Variants in CDHR3 observed in about 807,000 individuals in gnomAD.
The protein encoded by CDHR3 is cadherin-related family member 3.
A neutral mutation model predicts 86.6 loss-of-function variants in CDHR3; 79 were observed. The observed-to-expected ratio is 0.91, with a 90% CI of 0.76 to 1.10. CDHR3 has a LOEUF of 1.10. CDHR3 is among the 50% of genes least tolerant of loss of function. CDHR3 has a pLI of 0.00. For missense variants in CDHR3, 1,081 were observed against 1,077.6 expected (o/e 1.00, Z -0.04); for synonymous variants, 421 against 402.4 (o/e 1.05, Z -0.55).
chr7:106,001,424 C>A lies in CDHR3; in HGVS notation c.714-38C>A, dbSNP rs147914692. The A allele has an allele frequency of 4.4e-4, 702 of 1,609,034 alleles. 4 individuals carry two copies. In the African/African-American group the frequency reaches 8.4e-3, roughly 19 times the overall value. On this transcript the variant is annotated intron_variant, in intron 6 of 18. Coordinates refer to ENST00000317716, the MANE Select transcript of CDHR3 (RefSeq NM_152750.5). ...CGCCTAGATGCTACCTTCCCGTGCC[C>A]CTGGAAATTAGCTGTGTCTGCTGTA... is the stretch of plus-strand genomic sequence containing the variant.
At position 106,011,286 on chromosome 7, in the gene CDHR3, A is replaced by T. The variant is rs147462190; in HGVS notation, c.1053-1574A>T. 9.2e-5 allele frequency among the ~76,000 whole-genome samples: 14 copies of T among 152,286 alleles called. No individual in the cohort carries two copies. The East Asian group carries it at 2.7e-3, about 29-fold the overall frequency. ...ATGGGTCTCCTTGAATCTGAGCTTG[A>T]CCACGTGAATTGCTTTGACCACTGG... On this transcript the variant is annotated intron_variant, in intron 8 of 18. Coordinates refer to ENST00000317716, the MANE Select transcript of CDHR3 (RefSeq NM_152750.5).
chr7:106,023,160 A>G (rs1042990129), intron 14 of CDHR3, among the ~76,000 whole-genome samples: 3 of 152,186 alleles, frequency 2.0e-5, no homozygotes, highest in African/African-American at 7.2e-5. Flanking sequence ...AGGTTACCCA[A>G]CCATGATCAT....
chr7:105,995,407 C>G (rs1257902033), intron 5 of CDHR3, among the ~76,000 whole-genome samples: 1 of 151,652 alleles, frequency 6.6e-6, no homozygotes, highest in African/African-American at 2.4e-5. Flanking sequence ...ATAAACCAGA[C>G]CAAGGACGGT....
At chr7:105,968,371 T>A (rs1827317799) in intron 1 of CDHR3, among the ~76,000 whole-genome samples, 1 of 152,176 alleles carries the variant, frequency 6.6e-6, no homozygotes, top group Non-Finnish European at 1.5e-5. Context: ...TTTTATTTTT[T>A]ATTTTTTTGA....
At chr7:105,979,822 G>A (rs1829370177) in intron 2 of CDHR3, among the ~76,000 whole-genome samples, 1 of 152,202 alleles carries the variant, frequency 6.6e-6, no homozygotes, top group Non-Finnish European at 1.5e-5. Context: ...GACATACATG[G>A]AATTTAGTCC....
chr7:105,964,491 C>T (rs183081702), intron 1 of CDHR3, among the ~76,000 whole-genome samples: 110 of 152,002 alleles, frequency 7.2e-4, no homozygotes, highest in Non-Finnish European at 9.7e-4. Flanking sequence ...ACATTCTGAC[C>T]ATTATTAAAT....
Position 106,022,252 on chromosome 7 carries a change from G to C in CDHR3, c.1880G>C (p.Arg627Pro). 1 of 1,613,970 alleles carries C rather than the reference G, an allele frequency of 6.2e-7. No individual in the cohort carries two copies. Among genetic ancestry groups the C allele is most frequent in the Non-Finnish European group, 8.5e-7 (1 of 1,179,880 alleles). Reference protein sequence around the residue: ...FSPNAGSNVTRLLLTSRFDYA... With the variant: ...FSPNAGSNVTPLLLTSRFDYA... ...CCCAATGCTGGTTCCAATGTCACACGCCTGCTGCTTACATCTCGCTTTGAC... is the reference window on the plus strand; with the variant it reads ...CCCAATGCTGGTTCCAATGTCACACCCCTGCTGCTTACATCTCGCTTTGAC... The change falls in exon 14 of 19, where the codon CGC becomes CCC. Residue 627 changes from arginine (R) to proline (P), a missense_variant. Arg to Pro is a moderately radical substitution (Grantham distance 103). Transcript: ENST00000317716.
intron 4 of CDHR3, among the ~76,000 whole-genome samples, chr7:105,988,656 T>G (rs759172808): frequency 2.6e-5 from 4 of 152,186 alleles, no homozygotes; most frequent in Non-Finnish European, 5.9e-5. Context: ...CTCCCTTCTT[T>G]TTAGTGAAAC....
At chr7:106,014,547 C>T (rs544513451) in intron 9 of CDHR3, among the ~76,000 whole-genome samples, 4 of 152,272 alleles carry the variant, frequency 2.6e-5, no homozygotes, top group East Asian at 3.9e-4. Flanking sequence ...TTTGAGGCCA[C>T]GAGTTTGAGG....
At chr7:106,018,466 C>T (rs1378724127) in intron 12 of CDHR3, among the ~76,000 whole-genome samples, 2 of 152,100 alleles carry the variant, frequency 1.3e-5, no homozygotes, top group Non-Finnish European at 2.9e-5. Flanking sequence ...GAACTCCTGA[C>T]CTCAAGTAAT....
chr7:105,964,981 G>A (rs1307694297), intron 1 of CDHR3, among the ~76,000 whole-genome samples: 1 of 152,186 alleles, frequency 6.6e-6, no homozygotes, highest in Admixed American at 6.5e-5. Context: ...TTGTCACTGG[G>A]GAAAGAGTGA....
At chr7:106,004,324 C>A (rs1209428236) in intron 7 of CDHR3, among the ~76,000 whole-genome samples, 174 bp from the exon 8 acceptor site, 1 of 152,236 alleles carries the variant, frequency 6.6e-6, no homozygotes, top group Non-Finnish European at 1.5e-5. Flanking sequence ...CCAGATACCC[C>A]AATGAATGTC....
intron 13 of CDHR3, 28 bp downstream of exon 13, chr7:106,020,572 G>A: frequency 6.3e-7 from 1 of 1,596,438 alleles, no homozygotes; most frequent in Non-Finnish European, 8.6e-7. Flanking sequence ...GACAATCCTG[G>A]CCCTGTCTCT....
chr7:106,029,813 A>G (rs1838060064), intron 17 of CDHR3, among the ~76,000 whole-genome samples: 1 of 152,226 alleles, frequency 6.6e-6, no homozygotes, highest in African/African-American at 2.4e-5. Flanking sequence ...ACAAACAGGA[A>G]AAGAGGCAGT....
chr7:106,011,869 C>A (rs968318958), intron 8 of CDHR3, among the ~76,000 whole-genome samples: 3 of 152,088 alleles, frequency 2.0e-5, no homozygotes, highest in South Asian at 4.2e-4. Context: ...CTACTGAGAT[C>A]AAGACCCCCG....
intron 7 of CDHR3, among the ~76,000 whole-genome samples, chr7:106,002,002 A>G (rs1442773562): frequency 1.3e-5 from 2 of 152,144 alleles, no homozygotes; most frequent in South Asian, 2.1e-4. Context: ...CAAAGGGCCA[A>G]TTGTATTTTT....
At chr7:105,965,620 G>C (rs1015819560) in intron 1 of CDHR3, among the ~76,000 whole-genome samples, 1 of 129,056 alleles carries the variant, frequency 7.7e-6, no homozygotes, top group Non-Finnish European at 1.5e-5. Flanking sequence ...GAGTGCTCCT[G>C]CTGTTGCACC....
At chr7:106,028,916 TTTTC>T (rs1167671014) in intron 17 of CDHR3, among the ~76,000 whole-genome samples, 4,714 of 82,434 alleles carry the variant, frequency 0.057, 185 homozygotes, top group Middle Eastern at 0.09. Flanking sequence ...GAGATTTAAA[TTTTC>T]TTTCTTTCTT....
intron 1 of CDHR3, among the ~76,000 whole-genome samples, chr7:105,969,367 T>TC (rs1405964223): frequency 8.7e-6 from 1 of 115,238 alleles, no homozygotes; most frequent in Non-Finnish European, 1.6e-5. Context: ...GCCACTGCAC[T>TC]CCAGCCTGGG....
Sources: gnomAD v4.1 joint callset for allele counts (sites outside exome capture counted in the v4.1 genomes callset) on GRCh38, gnomAD v4.1.1 for gene constraint, MANE v1.5 for transcripts, NCBI Gene and HGNC (gene_info 2026-07-23, HGNC 2026-07-21) for gene names.